Variants in NRF1 observed in about 807,000 individuals in gnomAD.
NRF1 encodes the protein nuclear respiratory factor 1.
Under a neutral mutation model 58.5 loss-of-function variants are expected in NRF1, and 5 were observed. The observed-to-expected ratio is 0.09, with a 90% CI of 0.04 to 0.18. The LOEUF (loss-of-function observed/expected upper bound fraction) is 0.18, where lower values mean the gene tolerates loss of function less well. NRF1 is among the 10% of genes least tolerant of loss of function. The pLI, the probability that NRF1 is intolerant of heterozygous loss-of-function variation, is 1.00. For missense variants in NRF1, 288 were observed against 657.7 expected (o/e 0.44, Z 6.15); for synonymous variants, 224 against 246.7 (o/e 0.91, Z 0.86).
At chr7:129,728,468 CAAAAAAAAA>C (rs60777041) in intron 10 of NRF1, among the ~76,000 whole-genome samples, 4 of 96,354 alleles carry the variant, frequency 4.2e-5, no homozygotes, top group South Asian at 7.3e-4. Flanking sequence ...GACTCCGTCT[CAAAAAAAAA>C]AAAAAAAAAA....
intron 3 of NRF1, 142 bp from the exon 4 acceptor site, chr7:129,677,490 G>C (rs1802209419): frequency 1.4e-6 from 1 of 714,146 alleles, no homozygotes; most frequent in Non-Finnish European, 2.3e-6. Context: ...GAATAGGATA[G>C]CAAACCTCAC....
intron 4 of NRF1, among the ~76,000 whole-genome samples, chr7:129,680,962 G>A (rs1802294014): frequency 6.6e-6 from 1 of 152,210 alleles, no homozygotes; most frequent in Non-Finnish European, 1.5e-5. Context: ...CCCCAGAGAT[G>A]TGCAGGTCCC....
At chr7:129,621,867 C>G (rs1296716949) in intron 1 of NRF1, among the ~76,000 whole-genome samples, 1 of 150,390 alleles carries the variant, frequency 6.6e-6, no homozygotes, top group African/African-American at 2.5e-5. Context: ...ACTGTAACTT[C>G]CGCCTCTCGG....
chr7:129,699,542 C>T (rs184990173), intron 5 of NRF1, among the ~76,000 whole-genome samples: 39 of 151,884 alleles, frequency 2.6e-4, no homozygotes, highest in African/African-American at 8.7e-4. Flanking sequence ...GGTGAAACCC[C>T]GTCTCTACTA....
intron 3 of NRF1, among the ~76,000 whole-genome samples, chr7:129,673,455 C>T (rs576015268): frequency 9.2e-5 from 14 of 152,210 alleles, no homozygotes; most frequent in Admixed American, 2.6e-4. Context: ...CGGGGTCGGG[C>T]GCGGTGGCTC....
intron 4 of NRF1, 77 bp downstream of exon 4, chr7:129,677,835 G>A (rs1802218205): frequency 1.3e-6 from 2 of 1,559,822 alleles, no homozygotes; most frequent in East Asian, 4.5e-5. Context: ...CCTCTGTCAA[G>A]TATAACAGTT....
intron 1 of NRF1, among the ~76,000 whole-genome samples, chr7:129,656,976 C>T (rs978627755): frequency 6.6e-6 from 1 of 152,204 alleles, no homozygotes; most frequent in Non-Finnish European, 1.5e-5. Context: ...TTAAGTATTT[C>T]ACTTATTTAC....
intron 9 of NRF1, among the ~76,000 whole-genome samples, chr7:129,723,198 C>A (rs1241461747): frequency 6.6e-6 from 1 of 151,910 alleles, no homozygotes; most frequent in Non-Finnish European, 1.5e-5. Flanking sequence ...AATCCCAGCA[C>A]TTTGGGAGGC....
chr7:129,664,575 G>A (rs2001330), intron 2 of NRF1, among the ~76,000 whole-genome samples: 3,734 of 152,314 alleles, frequency 0.025, 54 homozygotes, highest in Middle Eastern at 0.075. Context: ...TTTGTGAAAT[G>A]CTTATGTGTC....
In NRF1 at chr7:129,677,657, T is replaced by C. The variant is rs1408668007; in HGVS notation, c.364T>C (p.Tyr122His). 6.2e-7 allele frequency: 1 copy of C among 1,614,168 alleles called. No individual in the cohort carries two copies. Among genetic ancestry groups the C allele is most frequent in the Non-Finnish European group, 8.5e-7 (1 of 1,180,002 alleles). ...GAAACTTCGAGCCACGTTAGATGAA[T>C]ATACTACTCGTGTGGGACAGCAAGC... is the stretch of plus-strand genomic sequence containing the variant. ...LRKLRATLDE[Y>H]TTRVGQQAIV... is the part of the protein sequence containing the mutation. The change falls in exon 4 of 11, where the codon TAT becomes CAT. Residue 122 changes from tyrosine to histidine, a missense_variant. Physicochemically the swap from Tyr to His is moderately conservative, Grantham distance 83. Around this residue, in one of 3 missense-constraint regions of NRF1, gnomAD observed 212 missense variants for 559.7 expected, o/e 0.38. Transcript: ENST00000393232.
chr7:129,743,182 A>G (rs948323126), intron 10 of NRF1, among the ~76,000 whole-genome samples: 2 of 152,252 alleles, frequency 1.3e-5, no homozygotes, highest in Non-Finnish European at 2.9e-5. Context: ...GTTTAAAAAA[A>G]AAAAAAAACC....
intron 8 of NRF1, among the ~76,000 whole-genome samples, chr7:129,713,874 T>A (rs1803131200): frequency 6.6e-6 from 1 of 152,206 alleles, no homozygotes; most frequent in Admixed American, 6.5e-5. Flanking sequence ...GGGAGTTCTA[T>A]CCTGTCAAAG....
chr7:129,643,083 A>T (rs1035749484), intron 1 of NRF1, among the ~76,000 whole-genome samples: 20 of 152,206 alleles, frequency 1.3e-4, no homozygotes, highest in Non-Finnish European at 2.2e-4. Context: ...AGAATTCAGT[A>T]AATATTTGTT....
intron 9 of NRF1, among the ~76,000 whole-genome samples, chr7:129,722,161 G>A (rs1292925437): frequency 6.6e-6 from 1 of 152,142 alleles, no homozygotes; most frequent in Middle Eastern, 3.2e-3. Context: ...TTGGGAAGCC[G>A]AGGTGGGTGA....
chr7:129,651,473 T>G (rs1584608666), intron 1 of NRF1, among the ~76,000 whole-genome samples: 2 of 146,014 alleles, frequency 1.4e-5, no homozygotes, highest in Admixed American at 6.8e-5. Flanking sequence ...GGGAGAGAGG[T>G]GGAAAGAGAT....
intron 8 of NRF1, among the ~76,000 whole-genome samples, chr7:129,714,954 G>A (rs1040134938): frequency 1.3e-5 from 2 of 152,168 alleles, no homozygotes; most frequent in East Asian, 3.8e-4. Context: ...CACTGCTAAG[G>A]TCCTGAGACC....
chr7:129,619,447 CATAT>C (rs1394967535), intron 1 of NRF1, among the ~76,000 whole-genome samples: 2 of 80,402 alleles, frequency 2.5e-5, no homozygotes, highest in Admixed American at 1.4e-4. Flanking sequence ...CACACACACA[CATAT>C]ATATACACGT....
At chr7:129,627,896 G>A (rs1248285835) in intron 1 of NRF1, among the ~76,000 whole-genome samples, 1 of 152,020 alleles carries the variant, frequency 6.6e-6, no homozygotes, top group African/African-American at 2.4e-5. Flanking sequence ...ATTATTTCAA[G>A]AGCCTGGTAA....
At position 129,755,193 on chromosome 7, in the gene NRF1, A is replaced by G; in HGVS notation, c.*12A>G. The G allele has an allele frequency of 6.4e-7, 1 of 1,568,956 alleles. No individual in the cohort carries two copies. The highest frequency in any genetic ancestry group is 8.6e-7 in the Non-Finnish European group (1 of 1,157,840). ...CATTGGAACAGTGACATACAGCCAT[A>G]TTATGGCATCGTTTTCTAGTCTACT... On this transcript the variant is annotated 3_prime_UTR_variant, in exon 11 of 11. Transcript: ENST00000393232. This position sits in a 1 kb window ranked among gnomAD's most constrained non-coding sequence, Gnocchi z 5.8.
Sources: allele counts gnomAD v4.1 joint callset (sites outside exome capture counted in the v4.1 genomes callset), GRCh38; gene constraint gnomAD v4.1.1; regional missense constraint gnomAD v4.1.1; non-coding constraint Gnocchi (gnomAD v3.1); transcripts MANE v1.5; gene names NCBI Gene and HGNC (gene_info 2026-07-23, HGNC 2026-07-21).